RAD50: variants seen among roughly 807,000 people sequenced by gnomAD.
The protein encoded by RAD50 is DNA repair protein RAD50.
Under a neutral mutation model 168.8 loss-of-function variants are expected in RAD50, and 132 were observed. The observed-to-expected ratio is 0.78, with a 90% CI of 0.68 to 0.90. The LOEUF (loss-of-function observed/expected upper bound fraction) is 0.90, where lower values mean the gene tolerates loss of function less well. Among genes scored for constraint, RAD50 ranks in the 40% least tolerant of loss-of-function variants. The pLI, the probability that RAD50 is intolerant of heterozygous loss-of-function variation, is 0.00. For missense variants in RAD50, 1,347 were observed against 1,534.4 expected, an observed-to-expected ratio of 0.88 and a Z score of 2.04; for synonymous variants, 525 against 497.4, an observed-to-expected ratio of 1.06 and a Z score of -0.74.
Position 132,557,030 on chromosome 5 carries a change from T to G in RAD50, c.-295T>G. 1 of 665,988 alleles carries G rather than the reference T, an allele frequency of 1.5e-6. No homozygotes were observed. Among genetic ancestry groups the G allele is most frequent in the Non-Finnish European group, 2.3e-6 (1 of 428,228 alleles). The allele number at this position is 665,988 out of a possible 1,614,324, so 41.3% of individuals were successfully genotyped here. ...AAGCTGTGAGTGCGCGGTTGCGGGG[T>G]CGCATTGTGGCTACGGCTTTGCGTC... On this transcript the variant is annotated 5_prime_UTR_variant, in exon 1 of 25. Transcript: ENST00000378823.
At chr5:132,635,023 T>C (rs1420219112) in intron 21 of RAD50, among the ~76,000 whole-genome samples, 4 of 152,208 alleles carry the variant, frequency 2.6e-5, no homozygotes, top group Admixed American at 2.6e-4. Flanking sequence ...TCATACCTTA[T>C]ATACTTGGGA....
At chr5:132,624,871 C>CCAAA (rs1751344593) in intron 21 of RAD50, among the ~76,000 whole-genome samples, 1 of 57,360 alleles carries the variant, frequency 1.7e-5, no homozygotes, top group African/African-American at 5.3e-5. Context: ...GACCCTGTCT[C>CCAAA]AAAAAAAAAA....
intron 21 of RAD50, among the ~76,000 whole-genome samples, chr5:132,629,714 A>G (rs1376243912): frequency 1.3e-5 from 2 of 152,210 alleles, no homozygotes; most frequent in Admixed American, 1.3e-4. Flanking sequence ...CTTAGAATAA[A>G]GCATGCAGTC....
chr5:132,598,741 G>A (rs1052247577), intron 13 of RAD50, among the ~76,000 whole-genome samples: 3 of 152,214 alleles, frequency 2.0e-5, no homozygotes, highest in African/African-American at 7.2e-5. Context: ...GCTTTTGGCA[G>A]CACAGTGACT....
chr5:132,613,594 CTT>C (rs869151568), intron 19 of RAD50, among the ~76,000 whole-genome samples: 22 of 111,096 alleles, frequency 2.0e-4, no homozygotes, highest in Admixed American at 3.7e-4. Flanking sequence ...TCACAATAGT[CTT>C]TTTTTTTTTT....
At chr5:132,583,997 A>G (rs909150938) in intron 5 of RAD50, among the ~76,000 whole-genome samples, 3 of 151,930 alleles carry the variant, frequency 2.0e-5, no homozygotes, top group African/African-American at 7.2e-5. Context: ...GTGCCCGGCA[A>G]TTCATTCCTT....
chr5:132,561,639 C>A (rs1750126440), intron 2 of RAD50, among the ~76,000 whole-genome samples: 1 of 152,030 alleles, frequency 6.6e-6, no homozygotes, highest in South Asian at 2.1e-4. Flanking sequence ...TATATTTGAC[C>A]CTGACTTCTT....
chr5:132,623,688 C>T (rs913779340), intron 21 of RAD50, among the ~76,000 whole-genome samples: 1 of 152,148 alleles, frequency 6.6e-6, no homozygotes, highest in Non-Finnish European at 1.5e-5. Context: ...AGAATTATTA[C>T]TTACCTTAGA....
intron 2 of RAD50, among the ~76,000 whole-genome samples, chr5:132,568,036 T>G (rs2149833960): frequency 6.6e-6 from 1 of 152,246 alleles, no homozygotes; most frequent in East Asian, 1.9e-4. Context: ...TGACAGATTT[T>G]GGAATTAGCA....
At chr5:132,598,455 A>T (rs1385669496) in intron 13 of RAD50, among the ~76,000 whole-genome samples, 3 of 152,210 alleles carry the variant, frequency 2.0e-5, no homozygotes, top group African/African-American at 7.2e-5. Context: ...TGAGAACTGT[A>T]ATGTCTGTTC....
intron 11 of RAD50, 89 bp downstream of exon 11, chr5:132,592,123 T>C: frequency 2.2e-6 from 3 of 1,378,382 alleles, no homozygotes; most frequent in Non-Finnish European, 3.1e-6. Context: ...TGTCATGAAA[T>C]GGTATGTTAT....
chr5:132,608,303 T>C (rs959779756), intron 16 of RAD50, among the ~76,000 whole-genome samples: 4 of 152,134 alleles, frequency 2.6e-5, no homozygotes, highest in African/African-American at 7.2e-5. Context: ...AGAATCAAAT[T>C]AGTGGTTGAT....
At chr5:132,570,044 A>T (rs1561632277) in intron 2 of RAD50, among the ~76,000 whole-genome samples, 1 of 152,244 alleles carries the variant, frequency 6.6e-6, no homozygotes, top group East Asian at 1.9e-4. Flanking sequence ...AAGAAATATC[A>T]TATGAACACC....
At chr5:132,621,258 TATTTTTGACAGAC>T (rs899207354) in intron 21 of RAD50, among the ~76,000 whole-genome samples, 4 of 152,198 alleles carry the variant, frequency 2.6e-5, no homozygotes, top group Admixed American at 6.5e-5. Flanking sequence ...CCCAGCAGTC[TATTTTTGACAGAC>T]ATTTTGGGTG....
intron 2 of RAD50, among the ~76,000 whole-genome samples, chr5:132,564,817 T>C (rs1013019037): frequency 7.9e-5 from 12 of 151,840 alleles, no homozygotes; most frequent in African/African-American, 2.9e-4. Context: ...CAGCCATGGC[T>C]AAAAGGGCCC....
chr5:132,579,441 T>C lies in RAD50; in HGVS notation c.490T>C (p.Trp164Arg), dbSNP rs876659053. ...TTTCTGTCATCAAGAAGATTCTAAT[T>C]GGCCTTTAAGTGAAGGAAAGGCTTT... ...VIFCHQEDSN[W>R]PLSEGKALKQ... The change falls in exon 4 of 25, where the codon TGG (tryptophan) becomes CGG (arginine). Residue 164 changes from tryptophan (W) to arginine (R), a missense_variant. Transcript: ENST00000378823. 5.6e-6 allele frequency: 9 copies of C among 1,613,872 alleles called. No individual in the cohort carries two copies. Among genetic ancestry groups the C allele is most frequent in the Non-Finnish European group, 7.6e-6 (9 of 1,179,892 alleles).
chr5:132,609,013 CTG>C, intron 17 of RAD50, 102 bp from the exon 18 acceptor site: 1 of 1,497,162 alleles, frequency 6.7e-7, no homozygotes, highest in Non-Finnish European at 9.0e-7. Flanking sequence ...GTGGTGGAAA[CTG>C]GAACCCAATG....
chr5:132,587,525 A>G (rs771417046), intron 5 of RAD50, 37 bp from the exon 6 acceptor site: 2 of 1,608,104 alleles, frequency 1.2e-6, no homozygotes, highest in Non-Finnish European at 1.7e-6. Flanking sequence ...TGTAAGCTAT[A>G]GTGAGTTTTA....
intron 2 of RAD50, among the ~76,000 whole-genome samples, chr5:132,563,624 T>C (rs567451087): frequency 1.3e-5 from 2 of 152,314 alleles, no homozygotes; most frequent in East Asian, 3.9e-4. Flanking sequence ...GTATGTTTTT[T>C]CAGTCTTGTT....
Sources: allele counts gnomAD v4.1 joint callset (sites outside exome capture counted in the v4.1 genomes callset), GRCh38; gene constraint gnomAD v4.1.1; transcripts MANE v1.5; gene names NCBI Gene and HGNC (gene_info 2026-07-23, HGNC 2026-07-21).